HOMER1: variants seen among roughly 807,000 people sequenced by gnomAD.
HOMER1 encodes homer scaffold protein 1, also known as homer protein homolog 1.
A neutral mutation model predicts 48.9 loss-of-function variants in HOMER1; 3 were observed. The observed-to-expected ratio is 0.06, with a 90% CI of 0.03 to 0.16. The LOEUF is 0.16. HOMER1 is among the 10% of genes least tolerant of loss of function. HOMER1 has a pLI of 1.00. For synonymous variants in HOMER1, 134 were observed against 146.4 expected (o/e 0.92, Z 0.61); for missense variants, 247 against 411.4 (o/e 0.60, Z 3.46).
rs1236613015 is a variant in HOMER1 at position 79,509,014 on chromosome 5, C to T, written c.5+3756G>A. 2.6e-5 allele frequency among the ~76,000 whole-genome samples: 4 copies of T among 152,326 alleles called. No individual in the cohort carries two copies. In the East Asian group the frequency reaches 7.7e-4, roughly 29 times the overall value. Reference sequence around the variant, plus strand: ...AGATATGATAGGGTGGTTATCTTTGCAATAAAACCCATTTATAGTGCTGGA... The same window carrying T: ...AGATATGATAGGGTGGTTATCTTTGTAATAAAACCCATTTATAGTGCTGGA... On this transcript the variant is annotated intron_variant, in intron 1 of 8. Coordinates refer to ENST00000334082, the MANE Select transcript of HOMER1 (RefSeq NM_004272.5).
chr5:79,433,287 G>A (rs563757719), intron 5 of HOMER1, among the ~76,000 whole-genome samples: 5 of 152,268 alleles, frequency 3.3e-5, no homozygotes, highest in Non-Finnish European at 7.4e-5. Context: ...GATCAGGGCT[G>A]GGCGTGGTGG....
rs569441562 is a variant in HOMER1, at chr5:79,383,799, T to C, written c.877-7602A>G. ...CAAATTTTTAAAAATCGAAATCGTATTAATTATCTTCTCAGACCACAATGG... is the reference window on the plus strand; with the variant it reads ...CAAATTTTTAAAAATCGAAATCGTACTAATTATCTTCTCAGACCACAATGG... On this transcript the variant is annotated intron_variant, in intron 8 of 8. Coordinates refer to ENST00000334082, the MANE Select transcript of HOMER1 (RefSeq NM_004272.5). Among the ~76,000 whole-genome samples the C allele has an allele frequency of 2.6e-5, 4 of 152,264 alleles. No homozygotes were observed. The East Asian group carries it at 7.7e-4, about 29-fold the overall frequency.
At chr5:79,441,564 A>G (rs1750737568) in intron 4 of HOMER1, among the ~76,000 whole-genome samples, 1 of 152,206 alleles carries the variant, frequency 6.6e-6, no homozygotes, top group African/African-American at 2.4e-5. Context: ...ATATTTAAGT[A>G]AAGGCATAGT....
chr5:79,510,743 G>C (rs1752918142), intron 1 of HOMER1: 1 of 773,988 alleles, frequency 1.3e-6, no homozygotes, highest in African/African-American at 1.7e-5. Context: ...CCCAAGCTTG[G>C]GAAGCATGCT....
At chr5:79,400,854 TC>T (rs2112219465) in intron 6 of HOMER1, among the ~76,000 whole-genome samples, 2 of 147,766 alleles carry the variant, frequency 1.4e-5, no homozygotes, top group African/African-American at 4.9e-5. Context: ...AAGCAATCCT[TC>T]CCACTCAGCA....
At chr5:79,508,273 T>C (rs1392068198) in intron 1 of HOMER1, among the ~76,000 whole-genome samples, 2 of 152,176 alleles carry the variant, frequency 1.3e-5, no homozygotes, top group Non-Finnish European at 2.9e-5. Context: ...CATCAGTCTA[T>C]CTTAAAAATA....
intron 6 of HOMER1, among the ~76,000 whole-genome samples, chr5:79,401,250 G>A (rs1749529824): frequency 6.6e-6 from 1 of 152,074 alleles, no homozygotes; most frequent in Non-Finnish European, 1.5e-5. Context: ...ATTTTCATAG[G>A]AATTGTACAG....
intron 8 of HOMER1, among the ~76,000 whole-genome samples, chr5:79,380,608 T>C (rs1580411265): frequency 6.6e-6 from 1 of 152,182 alleles, no homozygotes; most frequent in Admixed American, 6.5e-5. Flanking sequence ...TTCCTGGGGA[T>C]TGCCCCGCCC....
chr5:79,410,296 A>G (rs1421659884), intron 5 of HOMER1, among the ~76,000 whole-genome samples: 1 of 151,970 alleles, frequency 6.6e-6, no homozygotes, highest in Non-Finnish European at 1.5e-5. Context: ...GTTTGAGACC[A>G]GCCTGACCAA....
At chr5:79,469,326 A>G (rs151085375) in intron 1 of HOMER1, among the ~76,000 whole-genome samples, 13 of 152,298 alleles carry the variant, frequency 8.5e-5, no homozygotes, top group African/African-American at 3.1e-4. Flanking sequence ...ACACAATTCT[A>G]TTGCCAAATA....
chr5:79,474,334 T>C (rs1751700457), intron 1 of HOMER1, among the ~76,000 whole-genome samples: 1 of 148,166 alleles, frequency 6.7e-6, no homozygotes, highest in South Asian at 2.1e-4. Context: ...ATTACAGGCA[T>C]GAGCTACTGC....
intron 1 of HOMER1, among the ~76,000 whole-genome samples, chr5:79,484,562 A>G (rs901723848): frequency 6.6e-6 from 1 of 152,182 alleles, no homozygotes; most frequent in Non-Finnish European, 1.5e-5. Flanking sequence ...AAAATAAATT[A>G]AAAAAATAAA....
intron 5 of HOMER1, among the ~76,000 whole-genome samples, chr5:79,406,247 A>G (rs903975894): frequency 1.3e-5 from 2 of 152,208 alleles, no homozygotes; most frequent in African/African-American, 4.8e-5. Context: ...ATTTAGACCC[A>G]AGGAAGCTCA....
rs757581878 is a variant in HOMER1 at position 79,376,106 on chromosome 5, C to T, written c.968G>A (p.Arg323His). The part of the protein sequence containing the change: ...EKSQNEQEAF[R>H]NNLKTLLEIL... ...TTCTAAGAGTGTCTTCAGGTTATTG[C>T]GAAAAGCTTCTTGTTCATTCTGACT... The change falls in exon 9 of 9, where the codon CGC (arginine) becomes CAC (histidine). Residue 323 changes from arginine (R) to histidine (H), a missense_variant. This residue lies in a region of HOMER1 where 113 missense variants were observed against 152.5 expected (regional missense o/e 0.74). Coordinates refer to ENST00000334082, the MANE Select transcript of HOMER1 (RefSeq NM_004272.5). 3.0e-5 allele frequency: 49 copies of T among 1,613,374 alleles called. No individual in the cohort carries two copies. The highest frequency in any genetic ancestry group is 1.3e-4 in the East Asian group (6 of 44,850).
chr5:79,451,513 A>G (rs903965499), intron 2 of HOMER1, among the ~76,000 whole-genome samples: 14 of 151,480 alleles, frequency 9.2e-5, no homozygotes, highest in Non-Finnish European at 2.1e-4. Context: ...ACCACCCTCC[A>G]AAGAATCTTT....
chr5:79,408,964 C>T (rs1046539182), intron 5 of HOMER1, among the ~76,000 whole-genome samples: 6 of 151,356 alleles, frequency 4.0e-5, no homozygotes, highest in African/African-American at 1.5e-4. Context: ...CGCCTGTAAT[C>T]CCAGCTACTC....
In HOMER1 at chr5:79,373,431, T is replaced by C. The variant is rs1032626796; in HGVS notation, c.*2578A>G. 1 of 151,984 alleles carries C rather than the reference T, an allele frequency of 6.6e-6. No homozygotes were observed. Among genetic ancestry groups the C allele is most frequent in the African/African-American group, 2.4e-5 (1 of 41,426 alleles). The allele number at this position is 151,984 out of a possible 1,614,324, so 9.4% of individuals were successfully genotyped here. A position where few individuals can be genotyped will look rare whatever the true frequency, so the allele number is the denominator to read the frequency against. ...CATGTTCAGGCTATAGTCCCCAACA[T>C]TATTTTCTGAGAAATATATTACCAC... On this transcript the variant is annotated 3_prime_UTR_variant, in exon 9 of 9. Coordinates refer to ENST00000334082, the MANE Select transcript of HOMER1 (RefSeq NM_004272.5).
intron 1 of HOMER1, among the ~76,000 whole-genome samples, chr5:79,473,754 A>G (rs1233578298): frequency 6.6e-6 from 1 of 152,232 alleles, no homozygotes; most frequent in African/African-American, 2.4e-5. Context: ...GAAAGGTACT[A>G]CAAACAACAG....
At chr5:79,500,959 G>GACACACACACACACAC (rs779298030) in intron 1 of HOMER1, among the ~76,000 whole-genome samples, 200 of 129,988 alleles carry the variant, frequency 1.5e-3, no homozygotes, top group African/African-American at 4.3e-3. Flanking sequence ...GTGTGAGACA[G>GACACACACACACACAC]ACAGACACAC....
Sources: gnomAD v4.1 joint callset for allele counts (sites outside exome capture counted in the v4.1 genomes callset) on GRCh38, gnomAD v4.1.1 for gene constraint, gnomAD v4.1.1 regional missense constraint, MANE v1.5 for transcripts, NCBI Gene and HGNC (gene_info 2026-07-23, HGNC 2026-07-21) for gene names.